The following DDHD1 variants were observed in gnomAD, a reference collection of about 807,000 sequenced individuals.
DDHD1 encodes the protein DDHD domain containing 1.
DDHD1 carries 49 observed loss-of-function variants against 96.4 expected under a neutral mutation model. That is an observed-to-expected ratio of 0.51 (90% CI 0.40 to 0.64). The LOEUF is 0.64. Ranked by LOEUF, DDHD1 falls within the 30% of genes least tolerant of loss-of-function variation. The pLI, the probability that DDHD1 is intolerant of heterozygous loss-of-function variation, is 0.00. For synonymous variants in DDHD1, 442 were observed against 446.5 expected, an observed-to-expected ratio of 0.99 and a Z score of 0.13; for missense variants, 1,106 against 1,161.2, an observed-to-expected ratio of 0.95 and a Z score of 0.69.
intron 1 of DDHD1, among the ~76,000 whole-genome samples, chr14:53,143,697 C>G (rs565845866): frequency 6.6e-6 from 1 of 152,314 alleles, no homozygotes; most frequent in South Asian, 2.1e-4. Context: ...GGAAGAGGAA[C>G]AGGCTATGAC....
intron 1 of DDHD1, among the ~76,000 whole-genome samples, chr14:53,127,485 A>G (rs752319224): frequency 1.3e-5 from 2 of 152,248 alleles, no homozygotes; most frequent in Non-Finnish European, 2.9e-5. Context: ...ACAAAATCTC[A>G]TGCCAAATTA....
chr14:53,075,551 C>T (rs996711436), intron 4 of DDHD1, among the ~76,000 whole-genome samples: 4 of 152,074 alleles, frequency 2.6e-5, no homozygotes, highest in East Asian at 3.9e-4. Flanking sequence ...CATAAAAGTG[C>T]GAGGTAAGTG....
chr14:53,048,827 A>C (rs1382787704), intron 12 of DDHD1: 1 of 152,220 alleles, frequency 6.6e-6, no homozygotes, highest in Non-Finnish European at 1.5e-5. Flanking sequence ...AGAAACTGGA[A>C]TGCTCAAGCA....
At chr14:53,124,855 T>C (rs148090064) in intron 1 of DDHD1, among the ~76,000 whole-genome samples, 20 of 152,348 alleles carry the variant, frequency 1.3e-4, no homozygotes, top group African/African-American at 4.6e-4. Context: ...CTCATAGTTC[T>C]AGATGCTATA....
At chr14:53,049,678 AAAG>A in intron 12 of DDHD1, among the ~76,000 whole-genome samples, 1 of 151,510 alleles carries the variant, frequency 6.6e-6, no homozygotes, top group Non-Finnish European at 1.5e-5. Context: ...AAAAAAAAAA[AAAG>A]AACATAAATT....
At chr14:53,081,217 A>G (rs1002417256) in intron 4 of DDHD1, among the ~76,000 whole-genome samples, 4 of 152,258 alleles carry the variant, frequency 2.6e-5, no homozygotes, top group Admixed American at 2.6e-4. Context: ...ACAAAGTCTA[A>G]AAGTTCCTTT....
intron 11 of DDHD1, chr14:53,052,496 C>T (rs1882685149): frequency 6.6e-6 from 1 of 152,032 alleles, no homozygotes; most frequent in African/African-American, 2.4e-5. Flanking sequence ...CACCTAATCA[C>T]AATGACCAAA....
chr14:53,080,717 C>CTTCCTTTTTTTTTTTTTTTTTTTTT (rs781757807), intron 4 of DDHD1, among the ~76,000 whole-genome samples: 1 of 89,538 alleles, frequency 1.1e-5, no homozygotes, highest in African/African-American at 5.2e-5. Context: ...TTCCTTCCCC[C>CTTCCTTTTTTTTTTTTTTTTTTTTT]TTTTTTTTTT....
chr14:53,074,861 A>G (rs1052596749), intron 4 of DDHD1, among the ~76,000 whole-genome samples: 8 of 152,076 alleles, frequency 5.3e-5, no homozygotes, highest in African/African-American at 1.7e-4. Context: ...CATTTTTCCA[A>G]CAGCATGTGC....
chr14:53,125,484 T>C (rs1595225893), intron 1 of DDHD1, among the ~76,000 whole-genome samples: 1 of 152,346 alleles, frequency 6.6e-6, no homozygotes, highest in South Asian at 2.1e-4. Flanking sequence ...TTTAGCTTAG[T>C]AGATACAATC....
rs768202098 is a variant in DDHD1 at position 53,046,957 on chromosome 14, G to A, written c.2522-8C>T. ...TCCTGTGATCCAACTCCACTAAAAAGAAAAGAAGTTAAACAAATGAATACA... is the reference window on the plus strand; with the variant it reads ...TCCTGTGATCCAACTCCACTAAAAAAAAAAGAAGTTAAACAAATGAATACA... On this transcript the variant is annotated splice_polypyrimidine_tract_variant and splice_region_variant and intron_variant, in intron 12 of 12. Coordinates refer to ENST00000673822, the MANE Select transcript of DDHD1 (RefSeq NM_001160148.2). 3.8e-6 allele frequency: 6 copies of A among 1,593,212 alleles called. No individual in the cohort carries two copies. The Admixed American group carries it at 8.9e-5, about 24-fold the overall frequency.
intron 2 of DDHD1, 107 bp from the exon 3 acceptor site, chr14:53,093,551 C>G: frequency 7.0e-7 from 1 of 1,422,426 alleles, no homozygotes; most frequent in Non-Finnish European, 9.5e-7. Flanking sequence ...CTAAAAAACT[C>G]AGATATGGAA....
At chr14:53,139,188 C>A (rs1226704299) in intron 1 of DDHD1, among the ~76,000 whole-genome samples, 1 of 151,866 alleles carries the variant, frequency 6.6e-6, no homozygotes, top group Non-Finnish European at 1.5e-5. Context: ...TGGGGTCCGG[C>A]AGAATTGCTG....
At chr14:53,131,496 C>T (rs573275101) in intron 1 of DDHD1, among the ~76,000 whole-genome samples, 1 of 152,260 alleles carries the variant, frequency 6.6e-6, no homozygotes, top group East Asian at 1.9e-4. Flanking sequence ...ACTTTCCTAT[C>T]CTCAATACCT....
intron 2 of DDHD1, among the ~76,000 whole-genome samples, chr14:53,095,882 T>C (rs1021866683): frequency 6.6e-6 from 1 of 152,156 alleles, no homozygotes; most frequent in African/African-American, 2.4e-5. Flanking sequence ...TTTTCCTCTT[T>C]AAATCATCCA....
intron 1 of DDHD1, among the ~76,000 whole-genome samples, chr14:53,150,289 C>A (rs1446750967): frequency 2.0e-5 from 3 of 152,194 alleles, no homozygotes; most frequent in Non-Finnish European, 2.9e-5. Context: ...TTCTGGGACG[C>A]TTTCCTGATA....
chr14:53,118,917 G>C (rs987517905), intron 1 of DDHD1, among the ~76,000 whole-genome samples: 5 of 152,300 alleles, frequency 3.3e-5, no homozygotes, highest in African/African-American at 1.2e-4. Context: ...CAGGGAGAAA[G>C]GTCAGGTTAC....
rs895418381 is a variant in DDHD1, at chr14:53,061,016, T to C, written c.1842+110A>G. On this transcript the variant is annotated intron_variant, in intron 8 of 12. Coordinates refer to ENST00000673822, the MANE Select transcript of DDHD1 (RefSeq NM_001160148.2). ...ACATATAGTATATGTTGAATAAATA[T>C]TTATTTTGAAAGAACAATAAACTTT... 3.9e-6 allele frequency: 4 copies of C among 1,015,110 alleles called. No homozygotes were observed. The African/African-American group carries it at 6.6e-5, about 17-fold the overall frequency. 62.9% of individuals were successfully genotyped at this position (1,015,110 alleles called of 1,614,324 possible).
chr14:53,128,168 C>T (rs545002126), intron 1 of DDHD1, among the ~76,000 whole-genome samples: 35 of 152,268 alleles, frequency 2.3e-4, no homozygotes, highest in Non-Finnish European at 4.0e-4. Flanking sequence ...TCCCCAGCCA[C>T]GTGGAACTGT....
Sources: gnomAD v4.1 joint callset for allele counts (sites outside exome capture counted in the v4.1 genomes callset) on GRCh38, gnomAD v4.1.1 for gene constraint, MANE v1.5 for transcripts, NCBI Gene and HGNC (gene_info 2026-07-23, HGNC 2026-07-21) for gene names.